LRRC4C: variants seen among roughly 807,000 people sequenced by gnomAD.
LRRC4C encodes the protein leucine-rich repeat-containing protein 4C.
LRRC4C carries 5 observed loss-of-function variants against 33.6 expected under a neutral mutation model. The observed-to-expected ratio is 0.15, with a 90% CI of 0.08 to 0.31. The LOEUF (loss-of-function observed/expected upper bound fraction) is 0.31. LRRC4C is among the 10% of genes least tolerant of loss of function. The probability of loss-of-function intolerance (pLI) is 1.00; values close to 1 mark genes in which losing one functional copy is unlikely to be tolerated. For synonymous variants in LRRC4C, 329 were observed against 302.0 expected, an observed-to-expected ratio of 1.09 and a Z score of -0.93; for missense variants, 560 against 796.7, an observed-to-expected ratio of 0.70 and a Z score of 3.58.
At position 41,140,599 on chromosome 11, in the gene LRRC4C, C is replaced by T. The variant is rs188661023; in HGVS notation, c.-495-206876G>A. Among the ~76,000 whole-genome samples, 3 of 152,310 alleles carry T rather than the reference C, an allele frequency of 2.0e-5. No homozygotes were observed. In the East Asian group the frequency reaches 5.8e-4, roughly 29 times the overall value. On this transcript the variant is annotated intron_variant, in intron 1 of 6. Coordinates refer to ENST00000528697, the MANE Select transcript of LRRC4C (RefSeq NM_001258419.2). The stretch of plus-strand genomic sequence containing the variant: ...GCAGGGTAAAACGTTCTCTGATCTA[C>T]TGTGCAATCAGGTCACCATCACCTG...
chr11:41,109,409 A>T (rs1192928446), intron 1 of LRRC4C, among the ~76,000 whole-genome samples: 5 of 152,102 alleles, frequency 3.3e-5, no homozygotes, highest in Admixed American at 2.0e-4. Flanking sequence ...GAGATGGTTT[A>T]GATATACTGT....
intron 3 of LRRC4C, among the ~76,000 whole-genome samples, chr11:40,349,221 C>A (rs1440506316): frequency 6.6e-6 from 1 of 152,102 alleles, no homozygotes; most frequent in Non-Finnish European, 1.5e-5. Flanking sequence ...TCCACAAATA[C>A]CCTTCCCAGA....
chr11:40,404,478 A>G (rs10837402), intron 3 of LRRC4C, among the ~76,000 whole-genome samples: 49,144 of 152,020 alleles, frequency 0.32, 9,563 homozygotes, highest in South Asian at 0.47. Flanking sequence ...CTTCCATATT[A>G]AACTATGCTT....
chr11:40,225,160 A>G (rs1393155775), intron 5 of LRRC4C, among the ~76,000 whole-genome samples: 1 of 152,234 alleles, frequency 6.6e-6, no homozygotes, highest in Non-Finnish European at 1.5e-5. Flanking sequence ...GAATATTCCT[A>G]GAGAAACAGA....
intron 3 of LRRC4C, among the ~76,000 whole-genome samples, chr11:40,420,006 A>C (rs946610088): frequency 6.6e-6 from 1 of 152,212 alleles, no homozygotes; most frequent in Non-Finnish European, 1.5e-5. Flanking sequence ...AGAGCAGAAA[A>C]CCTTCAAAAG....
chr11:40,645,018 C>T (rs1265240719), intron 3 of LRRC4C, among the ~76,000 whole-genome samples: 1 of 151,822 alleles, frequency 6.6e-6, no homozygotes, highest in Non-Finnish European at 1.5e-5. Flanking sequence ...AAAATTCAGT[C>T]ATCAGCAATA....
intron 1 of LRRC4C, among the ~76,000 whole-genome samples, chr11:41,079,988 T>TATC (rs984318620): frequency 4.6e-5 from 7 of 152,094 alleles, no homozygotes; most frequent in East Asian, 1.9e-4. Context: ...TTAACCTGTT[T>TATC]ATCATCATCA....
At chr11:40,423,790 A>G (rs1307115919) in intron 3 of LRRC4C, among the ~76,000 whole-genome samples, 1 of 152,228 alleles carries the variant, frequency 6.6e-6, no homozygotes, top group Non-Finnish European at 1.5e-5. Context: ...TAAATAGGCT[A>G]TGAATACAAG....
At chr11:40,281,466 C>A (rs1204334744) in intron 4 of LRRC4C, among the ~76,000 whole-genome samples, 2 of 152,154 alleles carry the variant, frequency 1.3e-5, no homozygotes, top group Non-Finnish European at 2.9e-5. Context: ...CTCTCTCTTT[C>A]CCCTAAGGTT....
At chr11:40,620,774 T>A (rs1361500727) in intron 3 of LRRC4C, among the ~76,000 whole-genome samples, 1 of 151,854 alleles carries the variant, frequency 6.6e-6, no homozygotes, top group Admixed American at 6.6e-5. Flanking sequence ...ATCTTTGCAG[T>A]CACTAATGTT....
At chr11:40,901,131 A>T (rs1385119676) in intron 2 of LRRC4C, among the ~76,000 whole-genome samples, 1 of 152,058 alleles carries the variant, frequency 6.6e-6, no homozygotes, top group Non-Finnish European at 1.5e-5. Flanking sequence ...TACGGTACAC[A>T]TTTCACAAAC....
At chr11:40,288,847 T>C (rs1385141232) in intron 4 of LRRC4C, among the ~76,000 whole-genome samples, 1 of 152,218 alleles carries the variant, frequency 6.6e-6, no homozygotes, top group Non-Finnish European at 1.5e-5. Context: ...CATAGACATT[T>C]GCCTTTATTT....
intron 3 of LRRC4C, among the ~76,000 whole-genome samples, chr11:40,631,505 T>C (rs1452609653): frequency 6.6e-6 from 1 of 151,922 alleles, no homozygotes; most frequent in Non-Finnish European, 1.5e-5. Flanking sequence ...GGCAATTGCT[T>C]TAACCTGCGA....
intron 1 of LRRC4C, among the ~76,000 whole-genome samples, chr11:41,141,916 G>T (rs1416836454): frequency 1.3e-5 from 2 of 151,686 alleles, no homozygotes; most frequent in Non-Finnish European, 2.9e-5. Context: ...GTTAAATGCT[G>T]GTTATAAAAA....
intron 1 of LRRC4C, among the ~76,000 whole-genome samples, chr11:41,150,845 A>C (rs957105489): frequency 1.3e-5 from 2 of 152,090 alleles, no homozygotes; most frequent in African/African-American, 2.4e-5. Context: ...TGATTGTATT[A>C]CTTTTTCCTT....
Position 41,439,581 on chromosome 11 carries a change from TG to T in LRRC4C, c.-496+19849del, listed in dbSNP as rs1355539512. On this transcript the variant is annotated intron_variant, in intron 1 of 6. Transcript: ENST00000528697. ...AATAAGCATTCTGACTAGTGGAAGA[TG>T]GTATTTCATTGTGGTATTTATTTTC... Among the ~76,000 whole-genome samples the T allele has an allele frequency of 2.0e-5, 3 of 152,310 alleles. No homozygotes were observed. In the East Asian group the frequency reaches 5.8e-4, roughly 29 times the overall value.
chr11:40,262,887 G>A (rs185516463), intron 4 of LRRC4C, among the ~76,000 whole-genome samples: 91 of 152,010 alleles, frequency 6.0e-4, no homozygotes, highest in Admixed American at 4.3e-3. Flanking sequence ...TGTAGGTGGC[G>A]GGTTGATGGG....
chr11:40,785,973 T>C (rs1205720287), intron 2 of LRRC4C, among the ~76,000 whole-genome samples: 1 of 152,226 alleles, frequency 6.6e-6, no homozygotes, highest in Non-Finnish European at 1.5e-5. Context: ...TTTTGTTTTT[T>C]TCAGAATCCA....
At chr11:40,977,371 A>G (rs982472173) in intron 1 of LRRC4C, among the ~76,000 whole-genome samples, 1 of 152,264 alleles carries the variant, frequency 6.6e-6, no homozygotes. Context: ...GTTGTCAAAT[A>G]TCTACTTTCA....
Sources: allele counts gnomAD v4.1 joint callset (sites outside exome capture counted in the v4.1 genomes callset), GRCh38; gene constraint gnomAD v4.1.1; transcripts MANE v1.5; gene names NCBI Gene and HGNC (gene_info 2026-07-23, HGNC 2026-07-21).